Variants in INPP5D observed in about 807,000 individuals in gnomAD.
The protein encoded by INPP5D is inositol polyphosphate-5-phosphatase D.
In INPP5D, 33 loss-of-function variants were observed where a neutral mutation model predicts 122.9. The ratio of observed to expected loss-of-function variants is 0.27; its 90% CI spans 0.20 to 0.36. The LOEUF is 0.36. Ranked by LOEUF, INPP5D falls within the 10% of genes least tolerant of loss-of-function variation. The probability of loss-of-function intolerance (pLI) is 1.00; values close to 1 mark genes in which losing one functional copy is unlikely to be tolerated. For missense variants in INPP5D, 1,053 were observed against 1,412.7 expected (o/e 0.75, Z 4.08); for synonymous variants, 584 against 576.2 (o/e 1.01, Z -0.19).
At chr2:233,150,421 C>G (rs1055284770) in intron 9 of INPP5D, among the ~76,000 whole-genome samples, 2 of 152,158 alleles carry the variant, frequency 1.3e-5, no homozygotes, top group African/African-American at 4.8e-5. Flanking sequence ...ACTGTGAGTC[C>G]ATTAAAACTC....
chr2:233,178,392 G>A (rs1341184311), intron 18 of INPP5D, among the ~76,000 whole-genome samples: 2 of 152,138 alleles, frequency 1.3e-5, no homozygotes, highest in Non-Finnish European at 2.9e-5. Context: ...CTTACGAAGT[G>A]AGACCTTAAA....
intron 1 of INPP5D, among the ~76,000 whole-genome samples, chr2:233,066,202 C>T (rs2106196547): frequency 6.6e-6 from 1 of 152,272 alleles, no homozygotes; most frequent in South Asian, 2.1e-4. Flanking sequence ...GGTTCTCCCA[C>T]CTTGGCCTCC....
Position 233,207,123 on chromosome 2 carries a change from G to A in INPP5D, c.*415G>A, listed in dbSNP as rs755024810. ...CCAAGTGCTGTGCTAAGTGCTTTACGAACATTCGTCATATCAGGATGACCT... is the reference window on the plus strand; with the variant it reads ...CCAAGTGCTGTGCTAAGTGCTTTACAAACATTCGTCATATCAGGATGACCT... On this transcript the variant is annotated 3_prime_UTR_variant, in exon 27 of 27. Transcript: ENST00000445964. This position sits in a 1 kb window ranked among gnomAD's most constrained non-coding sequence, Gnocchi z 4.6. The A allele has an allele frequency of 6.3e-6, 1 of 159,746 alleles. No homozygotes were observed. The highest frequency in any genetic ancestry group is 1.8e-4 in the East Asian group (1 of 5,500). The allele number at this position is 159,746 out of a possible 1,614,324, so 9.9% of individuals were successfully genotyped here. A position where few individuals can be genotyped will look rare whatever the true frequency, so the allele number is the denominator to read the frequency against.
In INPP5D at chr2:233,117,623, G is replaced by T. The variant is rs193057584; in HGVS notation, c.199-4484G>T. ...AGGGTGGTAACTACTATGAGTTCGGGGGGGCTGTACTGCCTGTTATTGGTA... is the reference window on the plus strand; with the variant it reads ...AGGGTGGTAACTACTATGAGTTCGGTGGGGCTGTACTGCCTGTTATTGGTA... On this transcript the variant is annotated intron_variant, in intron 2 of 26. Coordinates refer to ENST00000445964, the MANE Select transcript of INPP5D (RefSeq NM_001017915.3). Among the ~76,000 whole-genome samples the T allele has an allele frequency of 1.6e-4, 24 of 152,226 alleles. 1 individual carries two copies. In the East Asian group the frequency reaches 4.4e-3, roughly 28 times the overall value.
At position 233,198,137 on chromosome 2, in the gene INPP5D, C is replaced by A. The variant is rs1264129369; in HGVS notation, c.2736C>A (p.Asn912Lys). 1 of 1,612,994 alleles carries A rather than the reference C, an allele frequency of 6.2e-7. No homozygotes were observed. Among genetic ancestry groups the A allele is most frequent in the Non-Finnish European group, 8.5e-7 (1 of 1,179,716 alleles). ...CSGSSITEIINPNYMGVGPFG... is the reference protein window; with the variant it reads ...CSGSSITEIIKPNYMGVGPFG... ...GCTCCAGCATCACTGAAATCATCAA[C>A]CCCAACTACATGGGAGTGGGGCCCT... Residue 912 changes from asparagine (N) to lysine (K), a missense_variant, in exon 25 of 27, where the codon AAC becomes AAA. Asn to Lys is a moderately conservative substitution (Grantham distance 94). Transcript: ENST00000445964.
intron 6 of INPP5D, among the ~76,000 whole-genome samples, chr2:233,145,760 T>A (rs535115973): frequency 6.6e-6 from 1 of 152,164 alleles, no homozygotes; most frequent in African/African-American, 2.4e-5. Context: ...CATTTTCTCC[T>A]CTACGTGGAG....
intron 1 of INPP5D, 110 bp downstream of exon 1, chr2:233,060,722 G>T: frequency 3.6e-6 from 5 of 1,387,938 alleles, no homozygotes; most frequent in Non-Finnish European, 5.0e-6. Context: ...GATCTGACAT[G>T]CACACTTCCC....
intron 10 of INPP5D, among the ~76,000 whole-genome samples, chr2:233,159,720 A>T (rs1371735732): frequency 7.5e-6 from 1 of 132,512 alleles, no homozygotes; most frequent in Non-Finnish European, 1.6e-5. Flanking sequence ...AAAAGATTGC[A>T]GCGCAATAAG....
chr2:233,084,094 G>T (rs954865626), intron 2 of INPP5D, among the ~76,000 whole-genome samples: 1 of 152,170 alleles, frequency 6.6e-6, no homozygotes, highest in Non-Finnish European at 1.5e-5. Context: ...TTGTTCTGTA[G>T]ACCAGGCTGG....
chr2:233,181,607 C>T (rs1694786252), intron 18 of INPP5D, among the ~76,000 whole-genome samples: 1 of 152,188 alleles, frequency 6.6e-6, no homozygotes, highest in Non-Finnish European at 1.5e-5. Context: ...TCTCTTGCCC[C>T]TTCCCAAAGT....
intron 10 of INPP5D, 33 bp downstream of exon 10, chr2:233,158,452 G>T (rs1308193493): frequency 1.4e-6 from 1 of 690,320 alleles, no homozygotes. Context: ...AATGGGCTGT[G>T]AGGTAGGGAG....
intron 23 of INPP5D, 41 bp downstream of exon 23, chr2:233,194,002 C>G (rs777291683): frequency 3.9e-6 from 6 of 1,532,310 alleles, no homozygotes; most frequent in African/African-American, 1.4e-5. Context: ...TTCAGCCCCC[C>G]ACTTAGGGAC....
At position 233,183,147 on chromosome 2, in the gene INPP5D, C is replaced by G. The variant is rs1290692865; in HGVS notation, c.2161+648C>G. Among the ~76,000 whole-genome samples the G allele has an allele frequency of 6.6e-6, 1 of 152,198 alleles. No homozygotes were observed. The highest frequency in any genetic ancestry group is 2.4e-5 in the African/African-American group (1 of 41,454). On this transcript the variant is annotated intron_variant, in intron 19 of 26. Transcript: ENST00000445964. This position sits in a 1 kb window ranked among gnomAD's most constrained non-coding sequence, Gnocchi z 4.6. The stretch of plus-strand genomic sequence containing the variant: ...GGTTGCCAGGCCACCCTCATCCCAG[C>G]TGGGCCAGGTGTTCTCTGTAATGTG...
intron 1 of INPP5D, among the ~76,000 whole-genome samples, chr2:233,067,095 A>G (rs2106197637): frequency 6.6e-6 from 1 of 152,264 alleles, no homozygotes; most frequent in African/African-American, 2.4e-5. Context: ...ACAATTCTTT[A>G]TCGTGCTTTT....
intron 2 of INPP5D, among the ~76,000 whole-genome samples, chr2:233,111,967 G>T (rs1010548179): frequency 7.9e-5 from 12 of 151,750 alleles, no homozygotes; most frequent in Admixed American, 7.9e-4. Flanking sequence ...GGGGGGCTGA[G>T]GTGTGAGGAT....
At chr2:233,130,786 C>G (rs1693302172) in intron 5 of INPP5D, 138 bp downstream of exon 5, 2 of 908,842 alleles carry the variant, frequency 2.2e-6, no homozygotes. Context: ...GTGAGCACAG[C>G]TTGGAAATCT....
At chr2:233,134,637 C>T (rs960318893) in intron 5 of INPP5D, among the ~76,000 whole-genome samples, 8 of 152,116 alleles carry the variant, frequency 5.3e-5, no homozygotes, top group Middle Eastern at 3.2e-3. Context: ...TAGAGCCAGA[C>T]AGAAACTTTT....
At chr2:233,137,820 G>A (rs1451375496) in intron 5 of INPP5D, among the ~76,000 whole-genome samples, 3 of 47,260 alleles carry the variant, frequency 6.3e-5, no homozygotes, top group Admixed American at 3.2e-4. Context: ...CAACAAGAGC[G>A]AAACTCCATC....
In INPP5D at chr2:233,204,642, C is replaced by T. The variant is rs370176083; in HGVS notation, c.3492C>T (p.Asn1164=). The change falls in exon 26 of 27, where the codon AAC becomes AAT. Residue 1164 remains asparagine, a synonymous_variant. Transcript: ENST00000445964. The part of the protein sequence containing the change: ...QHSKGRDYRD[N]TELPHHGKHR... ...CCAAGGGCCGCGACTACCGCGACAA[C>T]ACCGAGCTCCCGCATCACGGCAAGC... 3.0e-5 allele frequency: 48 copies of T among 1,584,246 alleles called. No homozygotes were observed. In the African/African-American group the frequency reaches 5.4e-4, roughly 18 times the overall value.
Sources: allele counts gnomAD v4.1 joint callset (sites outside exome capture counted in the v4.1 genomes callset), GRCh38; gene constraint gnomAD v4.1.1; non-coding constraint Gnocchi (gnomAD v3.1); transcripts MANE v1.5; gene names NCBI Gene and HGNC (gene_info 2026-07-23, HGNC 2026-07-21).